VASP: variants seen among roughly 807,000 people sequenced by gnomAD.
VASP encodes the protein vasodilator-stimulated phosphoprotein.
In VASP, 27 loss-of-function variants were observed where a neutral mutation model predicts 54.4. That is an observed-to-expected ratio of 0.50 (90% CI 0.37 to 0.68). VASP has a LOEUF of 0.68. Ranked by LOEUF, VASP falls within the 30% of genes least tolerant of loss-of-function variation. The pLI, the probability that VASP is intolerant of heterozygous loss-of-function variation, is 0.00. For missense variants in VASP, 488 were observed against 528.3 expected, an observed-to-expected ratio of 0.92 and a Z score of 0.75; for synonymous variants, 233 against 209.8, an observed-to-expected ratio of 1.11 and a Z score of -0.96.
chr19:45,520,169 T>C (rs1968801579), intron 3 of VASP, among the ~76,000 whole-genome samples: 1 of 152,082 alleles, frequency 6.6e-6, no homozygotes, highest in South Asian at 2.1e-4. Context: ...CCCAGAGTGC[T>C]GAGATTACAG....
chr19:45,522,913 T>C, intron 7 of VASP, 95 bp downstream of exon 7: 1 of 1,256,508 alleles, frequency 8.0e-7, no homozygotes, highest in Non-Finnish European at 1.1e-6. Context: ...TTTGTTTCTT[T>C]TGGTGAATGT....
In VASP at chr19:45,526,437, T is replaced by A; in HGVS notation, c.*260T>A. On this transcript the variant is annotated 3_prime_UTR_variant, in exon 13 of 13. Transcript: ENST00000245932. ...GCCATCCCCTTGGGGCCGGTCCCTCTGCTGGGGATGCACCAATGAACCCCA... is the reference window on the plus strand; with the variant it reads ...GCCATCCCCTTGGGGCCGGTCCCTCAGCTGGGGATGCACCAATGAACCCCA... 2 of 423,942 alleles carry A rather than the reference T, an allele frequency of 4.7e-6. No homozygotes were observed. The allele number at this position is 423,942 out of a possible 1,614,324, so 26.3% of individuals were successfully genotyped here.
chr19:45,523,431 G>A (rs1968889574), intron 7 of VASP, among the ~76,000 whole-genome samples: 1 of 151,852 alleles, frequency 6.6e-6, no homozygotes, highest in South Asian at 2.1e-4. Context: ...TTGAACTCTT[G>A]ACCTCAAGAG....
chr19:45,510,289 T>C (rs1296497017), intron 1 of VASP, among the ~76,000 whole-genome samples: 1 of 152,122 alleles, frequency 6.6e-6, no homozygotes, highest in Non-Finnish European at 1.5e-5. Flanking sequence ...TGAAATGGCA[T>C]GATCTCGGCT....
chr19:45,523,931 T>C lies in VASP; in HGVS notation c.910+54T>C, dbSNP rs1568390846. On this transcript the variant is annotated intron_variant, in intron 9 of 12. Transcript: ENST00000245932. The stretch of plus-strand genomic sequence containing the variant: ...GAACTACAAATCCCAGAATACTCTG[T>C]TCTCACATGTTAAGCACCCTTATAG... The C allele has an allele frequency of 5.6e-6, 9 of 1,612,064 alleles. No individual in the cohort carries two copies. The East Asian group carries it at 2.0e-4, about 36-fold the overall frequency.
Position 45,507,669 on chromosome 19 carries a change from G to A in VASP, c.-103G>A. The A allele has an allele frequency of 2.1e-5, 30 of 1,451,892 alleles. No individual in the cohort carries two copies. Among genetic ancestry groups the A allele is most frequent in the Non-Finnish European group, 2.6e-5 (28 of 1,083,042 alleles). The allele number at this position is 1,451,892 out of a possible 1,614,324, so 89.9% of individuals were successfully genotyped here. A position where few individuals can be genotyped will look rare whatever the true frequency, so the allele number is the denominator to read the frequency against. On this transcript the variant is annotated 5_prime_UTR_variant, in exon 1 of 13. Coordinates refer to ENST00000245932, the MANE Select transcript of VASP (RefSeq NM_003370.4). The surrounding 1 kb of genome is among the most constrained non-coding windows in gnomAD (Gnocchi z 4.4). ...CTCTATGGGGCGGGACCCTGGGGGA[G>A]CCTGAGCCGAGCCCGGAGCCAGCCC... is the stretch of plus-strand genomic sequence containing the variant.
At position 45,507,624 on chromosome 19, in the gene VASP, A is replaced by T. The variant is rs1244404490; in HGVS notation, c.-148A>T. The T allele has an allele frequency of 2.4e-5, 24 of 1,018,252 alleles. No individual in the cohort carries two copies. In the South Asian group the frequency reaches 3.7e-4, roughly 16 times the overall value. 63.1% of individuals were successfully genotyped at this position (1,018,252 alleles called of 1,614,324 possible). On this transcript the variant is annotated 5_prime_UTR_variant, in exon 1 of 13. Transcript: ENST00000245932. This position sits in a 1 kb window ranked among gnomAD's most constrained non-coding sequence, Gnocchi z 4.4. ...GGAGACCCGCCCCGGCCCGGTCCAC[A>T]TTCTCCCCAGGAAGCCGGACTCTAT...
chr19:45,525,808 G>C (rs932142051), intron 11 of VASP, 138 bp from the exon 12 acceptor site: 119 of 778,088 alleles, frequency 1.5e-4, no homozygotes, highest in Non-Finnish European at 2.4e-4. Context: ...AGTTGAGGCT[G>C]CAATGAGCTG....
At chr19:45,508,495 C>T (rs926181357) in intron 1 of VASP, among the ~76,000 whole-genome samples, 6 of 152,172 alleles carry the variant, frequency 3.9e-5, no homozygotes, top group Non-Finnish European at 7.4e-5. Flanking sequence ...GGCTCCCCGC[C>T]TCCGGCCATA....
At chr19:45,515,816 G>A (rs1345393061) in intron 1 of VASP, among the ~76,000 whole-genome samples, 1 of 152,148 alleles carries the variant, frequency 6.6e-6, no homozygotes, top group African/African-American at 2.4e-5. Context: ...GTAATTACAG[G>A]CGTGAGCCAC....
rs1054999369 is a variant in VASP, at chr19:45,517,550, T to C, written c.6-113T>C. 14 of 1,407,188 alleles carry C rather than the reference T, an allele frequency of 9.9e-6. No homozygotes were observed. The African/African-American group carries it at 1.9e-4, about 19-fold the overall frequency. The allele number at this position is 1,407,188 out of a possible 1,614,324, so 87.2% of individuals were successfully genotyped here. On this transcript the variant is annotated intron_variant, in intron 1 of 12. Transcript: ENST00000245932. ...TCCTTCTGTCCACGTGGCTCCTGCC[T>C]CCCTCTGTGTCACTCTCTTCCTTCC... is the stretch of plus-strand genomic sequence containing the variant.
chr19:45,517,882 C>T, intron 2 of VASP, 47 bp from the exon 3 acceptor site: 1 of 1,585,476 alleles, frequency 6.3e-7, no homozygotes, highest in Non-Finnish European at 8.6e-7. Context: ...CCTACCCGCC[C>T]CACCCCTGCG....
chr19:45,511,847 A>G (rs2122286854), intron 1 of VASP, among the ~76,000 whole-genome samples: 1 of 152,364 alleles, frequency 6.6e-6, no homozygotes, highest in South Asian at 2.1e-4. Context: ...CTGTAATCCC[A>G]GCACTTTGGG....
chr19:45,525,473 C>T (rs888935143), intron 11 of VASP, among the ~76,000 whole-genome samples: 5 of 151,764 alleles, frequency 3.3e-5, no homozygotes, highest in African/African-American at 4.8e-5. Context: ...CTGATGGGGA[C>T]GGATCACGTG....
intron 3 of VASP, among the ~76,000 whole-genome samples, chr19:45,518,577 CA>C (rs1165245812): frequency 6.6e-6 from 1 of 151,712 alleles, no homozygotes; most frequent in Non-Finnish European, 1.5e-5. Context: ...AAAACAAACA[CA>C]AAAAAAATGC....
chr19:45,525,454 T>C (rs2122350459), intron 11 of VASP, among the ~76,000 whole-genome samples: 1 of 152,170 alleles, frequency 6.6e-6, no homozygotes, highest in South Asian at 2.1e-4. Flanking sequence ...ATCCCAGCAG[T>C]TTGGAAGGCT....
Position 45,526,240 on chromosome 19 carries a change from C to T in VASP, c.*63C>T. On this transcript the variant is annotated 3_prime_UTR_variant, in exon 13 of 13. Transcript: ENST00000245932. ...CACCCGGCCTGTCACCCTGCTTTCC[C>T]TGCCTCTACTTGACTTGGAATTGGC... 6.4e-7 allele frequency: 1 copy of T among 1,554,226 alleles called. No individual in the cohort carries two copies. The highest frequency in any genetic ancestry group is 8.7e-7 in the Non-Finnish European group (1 of 1,153,380).
chr19:45,515,173 T>C (rs543756758), intron 1 of VASP, among the ~76,000 whole-genome samples: 1 of 152,124 alleles, frequency 6.6e-6, no homozygotes, highest in Non-Finnish European at 1.5e-5. Context: ...CTTCCCAGCA[T>C]CAGTGTCACA....
In VASP at chr19:45,526,865, C is replaced by G. The variant is rs1341958536; in HGVS notation, c.*688C>G. ...TGGGGTCCAGGCCATTTTTTTTACC[C>G]CTTGGAGGAAATAAGATGAGGGAGA... On this transcript the variant is annotated 3_prime_UTR_variant, in exon 13 of 13. Coordinates refer to ENST00000245932, the MANE Select transcript of VASP (RefSeq NM_003370.4). 6.6e-6 allele frequency: 1 copy of G among 151,816 alleles called. No individual in the cohort carries two copies. Among genetic ancestry groups the G allele is most frequent in the Non-Finnish European group, 1.5e-5 (1 of 67,952 alleles). The allele number at this position is 151,816 out of a possible 1,614,324, so 9.4% of individuals were successfully genotyped here.
Sources: allele counts gnomAD v4.1 joint callset (sites outside exome capture counted in the v4.1 genomes callset), GRCh38; gene constraint gnomAD v4.1.1; non-coding constraint Gnocchi (gnomAD v3.1); transcripts MANE v1.5; gene names NCBI Gene and HGNC (gene_info 2026-07-23, HGNC 2026-07-21).